Variants in MGAT5B observed in about 807,000 individuals in gnomAD.
MGAT5B encodes alpha-1,6-mannosylglycoprotein 6-beta-N-acetylglucosaminyltransferase B.
Under a neutral mutation model 95.1 loss-of-function variants are expected in MGAT5B, and 54 were observed. That is an observed-to-expected ratio of 0.57 (90% CI 0.46 to 0.71). The LOEUF (loss-of-function observed/expected upper bound fraction) is 0.71, where lower values mean the gene tolerates loss of function less well. Ranked by LOEUF, MGAT5B falls within the 30% of genes least tolerant of loss-of-function variation. MGAT5B has a pLI of 0.00. For missense variants in MGAT5B, 935 were observed against 1,088.6 expected, an observed-to-expected ratio of 0.86 and a Z score of 1.99; for synonymous variants, 464 against 451.0, an observed-to-expected ratio of 1.03 and a Z score of -0.36.
At chr17:76,873,847 C>T (rs761267557) in intron 2 of MGAT5B, among the ~76,000 whole-genome samples, 1 of 152,150 alleles carries the variant, frequency 6.6e-6, no homozygotes, top group Non-Finnish European at 1.5e-5. Context: ...TGTGAGATTC[C>T]CCTGCCCCTC....
chr17:76,872,880 C>T lies in MGAT5B; in HGVS notation c.98C>T (p.Thr33Ile). Residue 33 changes from threonine to isoleucine, a missense_variant, in exon 2 of 18, where the codon ACT (threonine) becomes ATT (isoleucine). Thr to Ile is a moderately conservative substitution (Grantham distance 89). Transcript: ENST00000569840. ...TTTGTCCTGGGCATCGGCTTCTTCA[C>T]TCTCTGCTTCCTGATGACGTCTCTG... ...RLFVLGIGFF[T>I]LCFLMTSLGG... The T allele has an allele frequency of 6.2e-7, 1 of 1,614,244 alleles. No homozygotes were observed. The highest frequency in any genetic ancestry group is 1.1e-5 in the South Asian group (1 of 91,088).
At chr17:76,904,509 G>A (rs1968445075) in intron 6 of MGAT5B, 87 bp downstream of exon 6, 3 of 1,398,576 alleles carry the variant, frequency 2.1e-6, no homozygotes, top group East Asian at 2.5e-5. Flanking sequence ...TGTCCTGAGG[G>A]AATGAGACTG....
chr17:76,939,754 A>T (rs1006528752), intron 13 of MGAT5B, among the ~76,000 whole-genome samples: 1 of 152,176 alleles, frequency 6.6e-6, no homozygotes, highest in South Asian at 2.1e-4. Flanking sequence ...GCTCCCACTT[A>T]TAAGTGAGAA....
chr17:76,934,649 A>G (rs150950109), intron 12 of MGAT5B, among the ~76,000 whole-genome samples: 103 of 152,350 alleles, frequency 6.8e-4, no homozygotes, highest in African/African-American at 2.3e-3. Flanking sequence ...TACTTTTATC[A>G]GAAAATGCTG....
chr17:76,920,363 G>A (rs1969088320), intron 8 of MGAT5B, among the ~76,000 whole-genome samples: 1 of 152,180 alleles, frequency 6.6e-6, no homozygotes, highest in South Asian at 2.1e-4. Flanking sequence ...AGCAGGATTG[G>A]TGGAAATGCA....
At chr17:76,878,264 G>A (rs1967268811) in intron 2 of MGAT5B, among the ~76,000 whole-genome samples, 1 of 152,144 alleles carries the variant, frequency 6.6e-6, no homozygotes, top group African/African-American at 2.4e-5. Context: ...ATTGGGAAGG[G>A]GTAGGGGCTG....
intron 3 of MGAT5B, among the ~76,000 whole-genome samples, chr17:76,892,296 C>T (rs1967903111): frequency 6.6e-6 from 1 of 152,242 alleles, no homozygotes; most frequent in Non-Finnish European, 1.5e-5. Flanking sequence ...GATCCGCCCG[C>T]CCCGGCCTCC....
chr17:76,927,489 G>A (rs138064374), intron 10 of MGAT5B, among the ~76,000 whole-genome samples: 6 of 152,210 alleles, frequency 3.9e-5, no homozygotes, highest in African/African-American at 4.8e-5. Flanking sequence ...ATCCACCCAC[G>A]TAGGCCTCCC....
rs775980833 is a variant in MGAT5B, at chr17:76,933,376, C to T, written c.1428+79C>T. The T allele has an allele frequency of 7.3e-5, 113 of 1,555,740 alleles. 1 individual carries two copies. Among genetic ancestry groups the T allele is most frequent in the African/African-American group, 1.4e-4 (10 of 74,058 alleles). ...CCAGCAGCCACTCCAGGGGTCTCTC[C>T]TTGTGATGTTCTCCTGACTCAGGCT... On this transcript the variant is annotated intron_variant, in intron 12 of 17. Coordinates refer to ENST00000569840, the MANE Select transcript of MGAT5B (RefSeq NM_001199172.2).
chr17:76,920,125 T>C (rs1969079609), intron 8 of MGAT5B, among the ~76,000 whole-genome samples: 1 of 152,160 alleles, frequency 6.6e-6, no homozygotes, highest in South Asian at 2.1e-4. Context: ...CCACACAAAC[T>C]TCCCCGTCCT....
At chr17:76,876,019 C>T (rs1020812330) in intron 2 of MGAT5B, among the ~76,000 whole-genome samples, 1 of 152,014 alleles carries the variant, frequency 6.6e-6, no homozygotes, top group African/African-American at 2.4e-5. Flanking sequence ...GAGAGCTGAC[C>T]CTGATTCACT....
chr17:76,932,085 TC>T (rs34615968), intron 10 of MGAT5B, among the ~76,000 whole-genome samples: 6,801 of 121,908 alleles, frequency 0.056, 262 homozygotes, highest in South Asian at 0.11. Flanking sequence ...CTCCTCCTCC[TC>T]CCCCCCCCCT....
chr17:76,884,124 A>T (rs1204185742), intron 3 of MGAT5B, among the ~76,000 whole-genome samples: 2 of 152,254 alleles, frequency 1.3e-5, no homozygotes, highest in Non-Finnish European at 2.9e-5. Context: ...GCATAAGCTT[A>T]AGATAGGTAA....
chr17:76,940,624 C>T lies in MGAT5B; in HGVS notation c.1731+76C>T, dbSNP rs1206548055. ...CCCTGCAGGTCCTGGAAGAGGCAGA[C>T]TGAGATGTGGGGCAAAAGGAGATAG... is the stretch of plus-strand genomic sequence containing the variant. On this transcript the variant is annotated intron_variant, in intron 14 of 17. Transcript: ENST00000569840. The surrounding 1 kb of genome is among the most constrained non-coding windows in gnomAD (Gnocchi z 4.3). 1 of 1,584,034 alleles carries T rather than the reference C, an allele frequency of 6.3e-7. No individual in the cohort carries two copies. Among genetic ancestry groups the T allele is most frequent in the Non-Finnish European group, 8.6e-7 (1 of 1,161,760 alleles).
chr17:76,895,587 A>G (rs1335499259), intron 3 of MGAT5B, among the ~76,000 whole-genome samples: 1 of 152,164 alleles, frequency 6.6e-6, no homozygotes, highest in Non-Finnish European at 1.5e-5. Context: ...GCCTTGACTG[A>G]TGGGAGCACA....
chr17:76,868,505 G>T lies in MGAT5B; in HGVS notation c.-525G>T. On this transcript the variant is annotated 5_prime_UTR_variant, in exon 1 of 18. Coordinates refer to ENST00000569840, the MANE Select transcript of MGAT5B (RefSeq NM_001199172.2). This position sits in a 1 kb window ranked among gnomAD's most constrained non-coding sequence, Gnocchi z 6.3. The stretch of plus-strand genomic sequence containing the variant: ...AGCGCGGGCGGCGGAGCCAGCGGGC[G>T]AGAGAGCGCGCGGCGGGCGCGGGTT... 6.7e-6 allele frequency: 1 copy of T among 149,734 alleles called. No individual in the cohort carries two copies. The highest frequency in any genetic ancestry group is 1.9e-4 in the South Asian group (1 of 5,242). 9.3% of individuals were successfully genotyped at this position (149,734 alleles called of 1,614,324 possible).
intron 13 of MGAT5B, among the ~76,000 whole-genome samples, chr17:76,939,047 T>G (rs967821421): frequency 3.3e-5 from 5 of 150,284 alleles, no homozygotes; most frequent in Admixed American, 6.6e-5. Flanking sequence ...TGTGTGTGTG[T>G]GTGTGTGTGT....
intron 10 of MGAT5B, among the ~76,000 whole-genome samples, chr17:76,928,601 A>C (rs1969388902): frequency 6.6e-6 from 1 of 152,034 alleles, no homozygotes; most frequent in African/African-American, 2.4e-5. Context: ...GCTACTCAGG[A>C]GGCTGAGGCA....
At position 76,948,886 on chromosome 17, in the gene MGAT5B, C is replaced by G; in HGVS notation, c.*48C>G. ...GGCACCCACGCTGGCTCTCTCCTGCCGCGGGAGAAAGCACCAGCAGGTTCT... is the reference window on the plus strand; with the variant it reads ...GGCACCCACGCTGGCTCTCTCCTGCGGCGGGAGAAAGCACCAGCAGGTTCT... On this transcript the variant is annotated 3_prime_UTR_variant, in exon 18 of 18. Coordinates refer to ENST00000569840, the MANE Select transcript of MGAT5B (RefSeq NM_001199172.2). 6.6e-7 allele frequency: 1 copy of G among 1,509,904 alleles called. No homozygotes were observed. The highest frequency in any genetic ancestry group is 8.9e-7 in the Non-Finnish European group (1 of 1,123,930). The allele number at this position is 1,509,904 out of a possible 1,614,324, so 93.5% of individuals were successfully genotyped here.
Sources: allele counts gnomAD v4.1 joint callset (sites outside exome capture counted in the v4.1 genomes callset), GRCh38; gene constraint gnomAD v4.1.1; non-coding constraint Gnocchi (gnomAD v3.1); transcripts MANE v1.5; gene names NCBI Gene and HGNC (gene_info 2026-07-23, HGNC 2026-07-21).